The following SIK3 variants were observed in gnomAD, a reference collection of about 807,000 sequenced individuals.
SIK3 encodes the protein SIK family kinase 3.
A neutral mutation model predicts 144.2 loss-of-function variants in SIK3; 28 were observed. The observed-to-expected ratio is 0.19, with a 90% confidence interval of 0.14 to 0.27. The LOEUF is 0.27. Ranked by LOEUF, SIK3 falls within the 10% of genes least tolerant of loss-of-function variation. The pLI is 1.00. For missense variants in SIK3, 1,319 were observed against 1,776.0 expected, an observed-to-expected ratio of 0.74 and a Z score of 4.62; for synonymous variants, 686 against 676.3, an observed-to-expected ratio of 1.01 and a Z score of -0.22.
chr11:117,019,627 T>A (rs1951683311), intron 1 of SIK3, among the ~76,000 whole-genome samples: 1 of 152,160 alleles, frequency 6.6e-6, no homozygotes, highest in Non-Finnish European at 1.5e-5. Context: ...CCTTCTTTTT[T>A]TTTTTTGAGA....
chr11:116,934,662 C>T (rs980759712), intron 3 of SIK3, among the ~76,000 whole-genome samples: 7 of 152,166 alleles, frequency 4.6e-5, no homozygotes. Context: ...AGTACTCTGC[C>T]TATGATGGAT....
At chr11:116,847,286 A>G (rs1942050123) in intron 23 of SIK3, among the ~76,000 whole-genome samples, 190 bp downstream of exon 23, 1 of 152,236 alleles carries the variant, frequency 6.6e-6, no homozygotes, top group Non-Finnish European at 1.5e-5. Flanking sequence ...TCTGGCCAGA[A>G]GCCACACCTC....
At chr11:116,890,637 C>T (rs113552369) in intron 6 of SIK3, among the ~76,000 whole-genome samples, 4,351 of 152,180 alleles carry the variant, frequency 0.029, 195 homozygotes, top group African/African-American at 0.096. Flanking sequence ...GTAAGCACCA[C>T]GATAAGAGAA....
chr11:116,857,422 G>A (rs1305997139), intron 21 of SIK3: 2 of 216,256 alleles, frequency 9.2e-6, no homozygotes, highest in Non-Finnish European at 9.3e-6. Context: ...TGCAAGAGCA[G>A]AATTAAGGTG....
intron 1 of SIK3, among the ~76,000 whole-genome samples, chr11:117,064,853 T>C (rs1002180822): frequency 7.9e-5 from 12 of 152,044 alleles, no homozygotes; most frequent in African/African-American, 2.4e-4. Context: ...ATTGATCCCA[T>C]AGAAAGTAAC....
At chr11:117,041,380 A>T (rs764754636) in intron 1 of SIK3, among the ~76,000 whole-genome samples, 17 of 152,166 alleles carry the variant, frequency 1.1e-4, no homozygotes, top group Non-Finnish European at 1.8e-4. Flanking sequence ...CCCTTCAGGG[A>T]TCCACAAGAC....
intron 3 of SIK3, among the ~76,000 whole-genome samples, chr11:116,932,093 T>A (rs1338592074): frequency 6.6e-6 from 1 of 152,170 alleles, no homozygotes; most frequent in Non-Finnish European, 1.5e-5. Flanking sequence ...ATCAGCAAAT[T>A]CTATTAACTC....
intron 1 of SIK3, among the ~76,000 whole-genome samples, chr11:117,049,373 T>C (rs1953118948): frequency 6.6e-6 from 1 of 151,764 alleles, no homozygotes. Flanking sequence ...AGGTCAGGAG[T>C]TCGAGACCAG....
chr11:116,938,275 G>A (rs190252166), intron 3 of SIK3, among the ~76,000 whole-genome samples: 15 of 83,906 alleles, frequency 1.8e-4, no homozygotes, highest in East Asian at 3.9e-4. Context: ...GAGAGGAGAG[G>A]AGAGGAGAGG....
At chr11:116,918,471 C>T (rs963076829) in intron 4 of SIK3, among the ~76,000 whole-genome samples, 1 of 152,054 alleles carries the variant, frequency 6.6e-6, no homozygotes, top group African/African-American at 2.4e-5. Flanking sequence ...TATTCCCAAC[C>T]TCTCATTCCC....
At chr11:116,977,297 T>C (rs1949981616) in intron 1 of SIK3, among the ~76,000 whole-genome samples, 1 of 147,658 alleles carries the variant, frequency 6.8e-6, no homozygotes. Context: ...CCTGGAATGG[T>C]TTTGAACTCC....
chr11:117,085,429 G>A (rs1954961412), intron 1 of SIK3, among the ~76,000 whole-genome samples: 1 of 151,932 alleles, frequency 6.6e-6, no homozygotes. Context: ...ACCCAGCCCT[G>A]GGGTTTGGTT....
chr11:116,992,443 T>C (rs1950531866), intron 1 of SIK3, among the ~76,000 whole-genome samples: 1 of 151,874 alleles, frequency 6.6e-6, no homozygotes. Context: ...CTATATCCCA[T>C]ACACTCTACA....
chr11:116,959,737 C>A (rs889044345), intron 1 of SIK3, among the ~76,000 whole-genome samples: 1 of 152,152 alleles, frequency 6.6e-6, no homozygotes, highest in Non-Finnish European at 1.5e-5. Flanking sequence ...GTCAGCCACA[C>A]AATCACGTGG....
At chr11:117,011,503 C>T (rs1259335672) in intron 1 of SIK3, among the ~76,000 whole-genome samples, 1 of 150,770 alleles carries the variant, frequency 6.6e-6, no homozygotes, top group Admixed American at 6.7e-5. Flanking sequence ...TTATTTTCTA[C>T]AGAAATTAAA....
chr11:117,012,827 G>GT (rs397940864), intron 1 of SIK3, among the ~76,000 whole-genome samples: 1,423 of 133,874 alleles, frequency 0.011, 27 homozygotes, highest in African/African-American at 0.034. Context: ...AATTCTTAGG[G>GT]TTTTTTTTTT....
intron 1 of SIK3, among the ~76,000 whole-genome samples, chr11:117,042,534 A>T (rs182011493): frequency 2.0e-5 from 3 of 152,318 alleles, no homozygotes; most frequent in Admixed American, 2.0e-4. Context: ...AAGGATAAAT[A>T]AAAACAATGA....
intron 6 of SIK3, among the ~76,000 whole-genome samples, chr11:116,889,086 A>G (rs1944969797): frequency 6.6e-6 from 1 of 152,220 alleles, no homozygotes; most frequent in African/African-American, 2.4e-5. Context: ...TTGCAACAGT[A>G]TGGTGTAGTA....
At chr11:117,086,775 T>G (rs1232902152) in intron 1 of SIK3, among the ~76,000 whole-genome samples, 1 of 150,562 alleles carries the variant, frequency 6.6e-6, no homozygotes, top group South Asian at 2.1e-4. Flanking sequence ...GGCAGGTGGA[T>G]CACAAAGTCA....
Sources: gnomAD v4.1 joint callset for allele counts (sites outside exome capture counted in the v4.1 genomes callset) on GRCh38, gnomAD v4.1.1 for gene constraint, MANE v1.5 for transcripts, NCBI Gene and HGNC (gene_info 2026-07-23, HGNC 2026-07-21) for gene names.